ZNF717: variants seen among roughly 807,000 people sequenced by gnomAD.
ZNF717 encodes the protein krueppel-like factor X17.
In ZNF717, 9 loss-of-function variants were observed where a neutral mutation model predicts 13.8. That is an observed-to-expected ratio of 0.65 (90% CI 0.39 to 1.14). ZNF717 has a LOEUF of 1.14. Ranked by LOEUF, ZNF717 falls within the 50% of genes most tolerant of loss-of-function variation. ZNF717 has a pLI of 0.01. For synonymous variants in ZNF717, 327 were observed against 364.1 expected (o/e 0.90, Z 1.16); for missense variants, 1,040 against 1,080.7 (o/e 0.96, Z 0.53).
chr3:75,732,172 T>C, downstream of ZNF717: 2 of 702,566 alleles, frequency 2.8e-6, no homozygotes, highest in Middle Eastern at 2.3e-4. Flanking sequence ...GAGCAACCTG[T>C]TCTTAACAAG....
chr3:75,745,633 C>T (rs1458028236), intron 2 of ZNF717, among the ~76,000 whole-genome samples: 1 of 151,988 alleles, frequency 6.6e-6, no homozygotes, highest in Non-Finnish European at 1.5e-5. Flanking sequence ...CCCCTTTACC[C>T]CTAGCTCTGA....
At position 75,737,546 on chromosome 3, in the gene ZNF717, TG is replaced by T; in HGVS notation, c.2076del (p.Tyr692Ter). 6 of 1,552,872 alleles carry T rather than the reference TG, an allele frequency of 3.9e-6. No individual in the cohort carries two copies. In the South Asian group the frequency reaches 7.1e-5, roughly 18 times the overall value. ...KLFVRNHTLLYIRELTPGKSP... is the reference protein window; with the variant it reads ...KLFVRNHTLLXIRELTPGKSP... Reference sequence around the variant, plus strand: ...CTTTTCCCCGGTGTGAGTTCTCTGATGTATAATAAGGTATGATTTCTGACAA... The same window carrying T: ...CTTTTCCCCGGTGTGAGTTCTCTGATTATAATAAGGTATGATTTCTGACAA... On this transcript the variant is annotated frameshift_variant, in exon 5 of 5. Coordinates refer to ENST00000652011, the MANE Select transcript of ZNF717 (RefSeq NM_001290208.3). LOFTEE classifies it low-confidence loss of function (END_TRUNC).
chr3:75,738,625 TG>T lies in ZNF717; in HGVS notation c.997del (p.His333ThrfsTer246). On this transcript the variant is annotated frameshift_variant, in exon 5 of 5. Transcript: ENST00000652011. LOFTEE classifies it low-confidence loss of function (END_TRUNC). ...KSSLIIHQRI[H>X]TGEKPYGCNE... Reference sequence around the variant, plus strand: ...GCATCCATAGGGCTTTTCCCCTGTGTGAATTCTCTGATGGATAATGAGGCTG... The same window carrying T: ...GCATCCATAGGGCTTTTCCCCTGTGTAATTCTCTGATGGATAATGAGGCTG... 1 of 1,552,818 alleles carries T rather than the reference TG, an allele frequency of 6.4e-7. No homozygotes were observed. Among genetic ancestry groups the T allele is most frequent in the Non-Finnish European group, 8.7e-7 (1 of 1,147,792 alleles).
Position 75,738,916 on chromosome 3 carries a change from A to C in ZNF717, c.707T>G (p.Phe236Cys), listed in dbSNP as rs1169493055. 3.0e-5 allele frequency: 47 copies of C among 1,551,510 alleles called. No individual in the cohort carries two copies. The African/African-American group carries it at 5.7e-4, about 19-fold the overall frequency. The stretch of plus-strand genomic sequence containing the variant: ...TTTCTCATATTCATTATATTTACCA[A>C]AGGTCTGTACTATATGAACCCTCTT... ...IHKRVHIVQT[F>C]GKYNEYEKAC... The change falls in exon 5 of 5, where the codon TTT becomes TGT. Residue 236 changes from phenylalanine (F) to cysteine (C), a missense_variant. Physicochemically the swap from Phe to Cys is radical, Grantham distance 205. Coordinates refer to ENST00000652011, the MANE Select transcript of ZNF717 (RefSeq NM_001290208.3).
At chr3:75,755,484 T>C (rs1399670805) in intron 2 of ZNF717, among the ~76,000 whole-genome samples, 1 of 150,806 alleles carries the variant, frequency 6.6e-6, no homozygotes, top group Non-Finnish European at 1.5e-5. Context: ...ATCTGACCAA[T>C]AAGCTTGTAG....
At chr3:75,718,391 T>C (rs1233055958) in intron 4 of ZNF717, among the ~76,000 whole-genome samples, 8 of 152,066 alleles carry the variant, frequency 5.3e-5, no homozygotes, top group African/African-American at 1.4e-4. Context: ...GGTGATGACG[T>C]TGTCAGTTAA....
chr3:75,783,476 TGAAAAA>T (rs773934713), intron 1 of ZNF717, 112 bp from the exon 2 acceptor site: 128 of 807,356 alleles, frequency 1.6e-4, no homozygotes, highest in Non-Finnish European at 1.5e-4. Flanking sequence ...TCCTCCCTCC[TGAAAAA>T]GAAAAACTTC....
chr3:75,737,132 CA>C lies in ZNF717; in HGVS notation c.2490del (p.Phe830LeufsTer64). The C allele has an allele frequency of 6.4e-7, 1 of 1,566,966 alleles. No homozygotes were observed. The highest frequency in any genetic ancestry group is 8.6e-7 in the Non-Finnish European group (1 of 1,156,208). ...RKTFSQKSKL[F>X]VHHRTHTGEK... ...TCCCCTGTGTGAGTTCTGTGATGTA[CA>C]AAGAGTTTTGACTTCTGGGAGAAGG... On this transcript the variant is annotated frameshift_variant, in exon 5 of 5. Coordinates refer to ENST00000652011, the MANE Select transcript of ZNF717 (RefSeq NM_001290208.3). LOFTEE classifies it low-confidence loss of function (END_TRUNC).
chr3:75,703,687 C>T (rs1937741429), intron 6 of ZNF717, among the ~76,000 whole-genome samples: 1 of 152,302 alleles, frequency 6.6e-6, no homozygotes, highest in Non-Finnish European at 1.5e-5. Context: ...TTACTGTTTT[C>T]TGCCATTTTG....
chr3:75,760,016 G>A (rs541007859), intron 2 of ZNF717, among the ~76,000 whole-genome samples: 1 of 152,210 alleles, frequency 6.6e-6, no homozygotes, highest in South Asian at 2.1e-4. Flanking sequence ...ATACAAATAT[G>A]TCTGAAATTT....
Position 75,739,112 on chromosome 3 carries a change from G to A in ZNF717, c.511C>T (p.Pro171Ser). Residue 171 changes from proline (P) to serine (S), a missense_variant, in exon 5 of 5, where the codon CCT (proline) becomes TCT (serine). This residue lies in a region of ZNF717 where 873 missense variants were observed against 832.8 expected (regional missense o/e 1.05). Transcript: ENST00000652011. Reference protein sequence around the residue: ...DCQNMLFPIKPGETQSGEKPH... With the variant: ...DCQNMLFPIKSGETQSGEKPH... ...TTCTCTCCAGACTGTGTCTCCCCAG[G>A]CTTAATAGGGAAAAGCATGTTCTGG... 1.3e-6 allele frequency: 2 copies of A among 1,551,230 alleles called. No homozygotes were observed. Among genetic ancestry groups the A allele is most frequent in the Non-Finnish European group, 1.7e-6 (2 of 1,146,726 alleles).
intron 2 of ZNF717, among the ~76,000 whole-genome samples, chr3:75,749,425 A>T (rs1386283409): frequency 6.6e-6 from 1 of 151,412 alleles, no homozygotes; most frequent in African/African-American, 2.4e-5. Context: ...ATTCAACAAC[A>T]CTCCTGCTGT....
At chr3:75,723,547 T>C (rs1463250566) in intron 4 of ZNF717, among the ~76,000 whole-genome samples, 6 of 152,280 alleles carry the variant, frequency 3.9e-5, no homozygotes, top group Non-Finnish European at 1.5e-5. Context: ...CATTACTCTT[T>C]ATTCCAATAT....
At chr3:75,742,339 AGAAT>A (rs1940584390) in intron 2 of ZNF717, among the ~76,000 whole-genome samples, 32 of 137,232 alleles carry the variant, frequency 2.3e-4, no homozygotes, top group Non-Finnish European at 4.1e-4. Context: ...AAAAAAAAAA[AGAAT>A]AAAATTCTAC....
At chr3:75,772,115 C>G (rs1943941026) in intron 2 of ZNF717, among the ~76,000 whole-genome samples, 1 of 152,244 alleles carries the variant, frequency 6.6e-6, no homozygotes, top group Non-Finnish European at 1.5e-5. Flanking sequence ...AGCCTGGGCA[C>G]TGTGGGCACA....
intron 2 of ZNF717, among the ~76,000 whole-genome samples, chr3:75,751,723 A>G (rs1941837690): frequency 1.3e-5 from 2 of 150,800 alleles, no homozygotes; most frequent in Admixed American, 6.6e-5. Flanking sequence ...ATTCCAGAAC[A>G]CTGCTGTTGG....
chr3:75,741,264 T>G lies in ZNF717; in HGVS notation c.277+12A>C. 1 of 1,507,878 alleles carries G rather than the reference T, an allele frequency of 6.6e-7. No homozygotes were observed. Among genetic ancestry groups the G allele is most frequent in the Non-Finnish European group, 9.0e-7 (1 of 1,107,592 alleles). 93.4% of individuals were successfully genotyped at this position (1,507,878 alleles called of 1,614,324 possible). On this transcript the variant is annotated intron_variant, in intron 4 of 4. Coordinates refer to ENST00000652011, the MANE Select transcript of ZNF717 (RefSeq NM_001290208.3). ...TCCTCCAGGCCTCCCTGCCTGGTAT[T>G]CACTGACTGACCTGAAAGTCTCAGG...
At chr3:75,727,227 G>A (rs915546697), downstream of ZNF717, among the ~76,000 whole-genome samples, 107 of 147,278 alleles carry the variant, frequency 7.3e-4, no homozygotes, top group South Asian at 2.2e-3. Flanking sequence ...TAAATTGTTT[G>A]TAAAACATGT....
intron 4 of ZNF717, among the ~76,000 whole-genome samples, chr3:75,718,252 GA>G (rs1434286024): frequency 6.6e-6 from 1 of 152,208 alleles, no homozygotes; most frequent in Non-Finnish European, 1.5e-5. Context: ...TAGCTGCAGA[GA>G]AGGGGATACA....
Sources: allele counts gnomAD v4.1 joint callset (sites outside exome capture counted in the v4.1 genomes callset), GRCh38; gene constraint gnomAD v4.1.1; regional missense constraint gnomAD v4.1.1; transcripts MANE v1.5; gene names NCBI Gene and HGNC (gene_info 2026-07-23, HGNC 2026-07-21).